The following DGLUCY variants were observed in gnomAD, a reference collection of about 807,000 sequenced individuals.
DGLUCY encodes the protein D-glutamate cyclase, mitochondrial.
DGLUCY carries 58 observed loss-of-function variants against 58.5 expected under a neutral mutation model. The ratio of observed to expected loss-of-function variants is 0.99; its 90% CI spans 0.80 to 1.23. DGLUCY has a LOEUF of 1.23. DGLUCY is among the 50% of genes most tolerant of loss of function. DGLUCY has a pLI of 0.00. For synonymous variants in DGLUCY, 325 were observed against 314.1 expected (o/e 1.03, Z -0.37); for missense variants, 779 against 784.7 (o/e 0.99, Z 0.09).
chr14:91,202,144 T>C (rs1264637095), intron 11 of DGLUCY, among the ~76,000 whole-genome samples: 7 of 152,028 alleles, frequency 4.6e-5, no homozygotes, highest in Non-Finnish European at 8.8e-5. Context: ...ACATTCATTG[T>C]AGTGTTTAAG....
intron 13 of DGLUCY, chr14:91,215,825 T>TACAGATGAAGAAAATGAGG: frequency 8.6e-7 from 1 of 1,168,806 alleles, no homozygotes; most frequent in Non-Finnish European, 1.1e-6. Context: ...AGCCTCATTT[T>TACAGATGAAGAAAATGAGG]CTTCATCTGT....
intron 9 of DGLUCY, among the ~76,000 whole-genome samples, chr14:91,195,221 A>G (rs1421084833): frequency 6.6e-6 from 1 of 152,148 alleles, no homozygotes; most frequent in African/African-American, 2.4e-5. Context: ...CTGCCGTCTT[A>G]AGCTCTGTGT....
At chr14:91,082,556 A>C (rs945989774) in intron 1 of DGLUCY, among the ~76,000 whole-genome samples, 2 of 152,296 alleles carry the variant, frequency 1.3e-5, no homozygotes, top group Non-Finnish European at 2.9e-5. Context: ...ACATTTCCCA[A>C]TCCTTATCAT....
chr14:91,113,948 G>A (rs1354794429), upstream of DGLUCY: 1 of 152,300 alleles, frequency 6.6e-6, no homozygotes, highest in East Asian at 1.9e-4. Flanking sequence ...GGGAGAGCAG[G>A]TTAACTCTTG....
chr14:91,171,248 G>A (rs1367314905), intron 5 of DGLUCY, among the ~76,000 whole-genome samples: 2 of 152,188 alleles, frequency 1.3e-5, no homozygotes, highest in African/African-American at 4.8e-5. Flanking sequence ...TGGAACCCCT[G>A]GCTCCCATCT....
At chr14:91,200,319 C>T (rs376386349) in intron 11 of DGLUCY, among the ~76,000 whole-genome samples, 2 of 152,230 alleles carry the variant, frequency 1.3e-5, no homozygotes, top group African/African-American at 4.8e-5. Context: ...CCATCATTTT[C>T]CACTGCAAAG....
chr14:91,163,685 C>T (rs528199366), intron 3 of DGLUCY, among the ~76,000 whole-genome samples: 16 of 152,284 alleles, frequency 1.1e-4, no homozygotes, highest in Middle Eastern at 6.8e-3. Flanking sequence ...GGCAAGCTCG[C>T]GGGCACCCCT....
chr14:91,203,264 A>G (rs1210697257), intron 11 of DGLUCY, among the ~76,000 whole-genome samples: 1 of 152,230 alleles, frequency 6.6e-6, no homozygotes, highest in Non-Finnish European at 1.5e-5. Context: ...GTTCTGAGAA[A>G]AACCATCAGG....
At chr14:91,143,024 C>G (rs2046807851) in intron 1 of DGLUCY, among the ~76,000 whole-genome samples, 1 of 93,448 alleles carries the variant, frequency 1.1e-5, no homozygotes, top group African/African-American at 3.8e-5. Flanking sequence ...AGCGAGACTC[C>G]CTCTCAAAAA....
rs1273969273 is a variant in DGLUCY at position 91,225,606 on chromosome 14, C to A, written c.*773C>A. The A allele has an allele frequency of 1.3e-5, 2 of 152,238 alleles. No homozygotes were observed. The highest frequency in any genetic ancestry group is 4.8e-5 in the African/African-American group (2 of 41,458). 9.4% of individuals were successfully genotyped at this position (152,238 alleles called of 1,614,324 possible). A position where few individuals can be genotyped will look rare whatever the true frequency, so the allele number is the denominator to read the frequency against. On this transcript the variant is annotated 3_prime_UTR_variant, in exon 14 of 14. Coordinates refer to ENST00000256324, the MANE Select transcript of DGLUCY (RefSeq NM_001102368.3). Reference sequence around the variant, plus strand: ...GCAATTTGGATATGCCAAAAAGAGGCCATAAAGGGCTTCCTTTAAGTGAAA... The same window carrying A: ...GCAATTTGGATATGCCAAAAAGAGGACATAAAGGGCTTCCTTTAAGTGAAA...
intron 1 of DGLUCY, among the ~76,000 whole-genome samples, chr14:91,150,926 C>T (rs2047297758): frequency 6.6e-6 from 1 of 152,216 alleles, no homozygotes; most frequent in Non-Finnish European, 1.5e-5. Flanking sequence ...TCTTCCCAAA[C>T]TGAAACTCTC....
chr14:91,205,756 C>T lies in DGLUCY; in HGVS notation c.1564+931C>T, dbSNP rs72699641. On this transcript the variant is annotated intron_variant, in intron 12 of 13. Coordinates refer to ENST00000256324, the MANE Select transcript of DGLUCY (RefSeq NM_001102368.3). ...ATTTTCAAGTAGGCCAGGGCATTCT[C>T]TTCTTCTTCTTCTTCTTCTTCTTCT... Among the ~76,000 whole-genome samples, 61 of 68,908 alleles carry T rather than the reference C, an allele frequency of 8.9e-4. 1 individual carries two copies. Among genetic ancestry groups the T allele is most frequent in the African/African-American group, 6.5e-3 (55 of 8,504 alleles). 45.2% of individuals were successfully genotyped at this position (68,908 alleles called of 152,430 possible).
In DGLUCY at chr14:91,181,365, G is replaced by C; in HGVS notation, c.910G>C (p.Glu304Gln). The C allele has an allele frequency of 6.2e-7, 1 of 1,613,844 alleles. No homozygotes were observed. Among genetic ancestry groups the C allele is most frequent in the Non-Finnish European group, 8.5e-7 (1 of 1,180,008 alleles). The change falls in exon 8 of 14, where the codon GAG becomes CAG. Residue 304 changes from glutamate to glutamine, a missense_variant. Physicochemically the swap from Glu to Gln is conservative, Grantham distance 29. Coordinates refer to ENST00000256324, the MANE Select transcript of DGLUCY (RefSeq NM_001102368.3). Reference sequence around the variant, plus strand: ...TGCTTCTCAGAAGATCAGAGAACTAGAGTCTATGATCGGCATAGACCCAGG... The same window carrying C: ...TGCTTCTCAGAAGATCAGAGAACTACAGTCTATGATCGGCATAGACCCAGG... ...VSASQKIREL[E>Q]SMIGIDPGNR... is the part of the protein sequence containing the mutation.
chr14:91,114,156 C>T lies in DGLUCY; in HGVS notation c.-209C>T, dbSNP rs764509472. 1 of 152,324 alleles carries T rather than the reference C, an allele frequency of 6.6e-6. No individual in the cohort carries two copies. The highest frequency in any genetic ancestry group is 1.5e-5 in the Non-Finnish European group (1 of 68,110). 9.4% of individuals were successfully genotyped at this position (152,324 alleles called of 1,614,324 possible). Reference sequence around the variant, plus strand: ...AGACCCGAGCCCTGCAGAACAACCCCCCGTGGCGCAGGAGAGCAGAAGAAA... The same window carrying T: ...AGACCCGAGCCCTGCAGAACAACCCTCCGTGGCGCAGGAGAGCAGAAGAAA... On this transcript the variant is annotated 5_prime_UTR_variant, in exon 1 of 14. Coordinates refer to ENST00000256324, the MANE Select transcript of DGLUCY (RefSeq NM_001102368.3).
intron 8 of DGLUCY, chr14:91,185,670 GA>G (rs971875996): frequency 6.7e-6 from 1 of 149,724 alleles, no homozygotes; most frequent in African/African-American, 2.5e-5. Flanking sequence ...AGTCATGAGG[GA>G]AGATGAATTA....
intron 1 of DGLUCY, among the ~76,000 whole-genome samples, chr14:91,078,345 G>A (rs2044065674): frequency 6.6e-6 from 1 of 152,188 alleles, no homozygotes; most frequent in South Asian, 2.1e-4. Context: ...GAGTTTCCCT[G>A]AAAAACTGGA....
At chr14:91,188,018 G>A (rs1424204125) in intron 8 of DGLUCY, among the ~76,000 whole-genome samples, 1 of 152,044 alleles carries the variant, frequency 6.6e-6, no homozygotes, top group South Asian at 2.1e-4. Flanking sequence ...GTATTAGTTA[G>A]GGTTTGCTAG....
chr14:91,086,505 T>G (rs974270796), intron 1 of DGLUCY, among the ~76,000 whole-genome samples: 1 of 152,176 alleles, frequency 6.6e-6, no homozygotes, highest in Non-Finnish European at 1.5e-5. Context: ...AAATGCTATA[T>G]AGACCATTGT....
At chr14:91,164,422 A>C (rs1213979979) in intron 3 of DGLUCY, among the ~76,000 whole-genome samples, 1 of 152,144 alleles carries the variant, frequency 6.6e-6, no homozygotes, top group East Asian at 1.9e-4. Flanking sequence ...TGCACATTCA[A>C]GGGTTAGATA....
Sources: gnomAD v4.1 joint callset for allele counts (sites outside exome capture counted in the v4.1 genomes callset) on GRCh38, gnomAD v4.1.1 for gene constraint, MANE v1.5 for transcripts, NCBI Gene and HGNC (gene_info 2026-07-23, HGNC 2026-07-21) for gene names.